The following NRCAM variants were observed in gnomAD, a reference collection of about 807,000 sequenced individuals.
NRCAM encodes the protein neuronal cell adhesion molecule, also known as NgCAM-related cell adhesion molecule.
In NRCAM, 83 loss-of-function variants were observed where a neutral mutation model predicts 156.5. The ratio of observed to expected loss-of-function variants is 0.53; its 90% CI spans 0.44 to 0.64. The LOEUF is 0.64. Among genes scored for constraint, NRCAM ranks in the 30% least tolerant of loss-of-function variants. NRCAM has a pLI of 0.00. For synonymous variants in NRCAM, 538 were observed against 563.9 expected (o/e 0.95, Z 0.65); for missense variants, 1,417 against 1,597.3 (o/e 0.89, Z 1.92).
At chr7:108,181,387 G>A (rs2063387702) in intron 24 of NRCAM, among the ~76,000 whole-genome samples, 1 of 152,010 alleles carries the variant, frequency 6.6e-6, no homozygotes, top group African/African-American at 2.4e-5. Flanking sequence ...ATATTTATAA[G>A]AATGACCTAG....
intron 1 of NRCAM, among the ~76,000 whole-genome samples, chr7:108,402,666 C>T (rs957238634): frequency 1.3e-5 from 2 of 152,130 alleles, no homozygotes; most frequent in Non-Finnish European, 2.9e-5. Flanking sequence ...CAATTCTGGC[C>T]ATTGGAGCCA....
At chr7:108,240,636 T>A (rs1039043003) in intron 3 of NRCAM, among the ~76,000 whole-genome samples, 1 of 152,222 alleles carries the variant, frequency 6.6e-6, no homozygotes, top group African/African-American at 2.4e-5. Context: ...GAGCACTGAC[T>A]ATTCAGGTCT....
intron 3 of NRCAM, among the ~76,000 whole-genome samples, chr7:108,250,888 A>G (rs2096302895): frequency 6.6e-6 from 1 of 152,198 alleles, no homozygotes; most frequent in African/African-American, 2.4e-5. Flanking sequence ...TACACCTACT[A>G]TGAACCCACA....
intron 29 of NRCAM, 148 bp downstream of exon 29, chr7:108,168,129 T>C (rs2055996273): frequency 3.8e-6 from 3 of 794,492 alleles, no homozygotes; most frequent in Non-Finnish European, 5.3e-6. Flanking sequence ...AGGCTGATGG[T>C]TCACTATAAT....
At chr7:108,349,024 C>T (rs1053053544) in intron 2 of NRCAM, among the ~76,000 whole-genome samples, 10 of 151,884 alleles carry the variant, frequency 6.6e-5, no homozygotes, top group African/African-American at 2.2e-4. Flanking sequence ...CTATGTGATG[C>T]GCTGTGTAAA....
At chr7:108,209,337 A>T in intron 12 of NRCAM, 84 bp downstream of exon 12, 1 of 914,646 alleles carries the variant, frequency 1.1e-6, no homozygotes, top group Non-Finnish European at 1.6e-6. Flanking sequence ...ATTTACCATT[A>T]CTAAAAATGT....
In NRCAM at chr7:108,434,929, A is replaced by C. The variant is rs1214971484; in HGVS notation, c.-332+21314T>G. Among the ~76,000 whole-genome samples, 3 of 152,232 alleles carry C rather than the reference A, an allele frequency of 2.0e-5. No individual in the cohort carries two copies. In the East Asian group the frequency reaches 5.8e-4, roughly 29 times the overall value. On this transcript the variant is annotated intron_variant, in intron 1 of 32. Transcript: ENST00000379028. ...CAAATTTCTCAGGGTAGAGAAAAGC[A>C]GAAACCACAGTTACCACTACATATC...
At chr7:108,252,504 A>C (rs2096408350) in intron 3 of NRCAM, among the ~76,000 whole-genome samples, 2 of 152,360 alleles carry the variant, frequency 1.3e-5, no homozygotes, top group South Asian at 4.1e-4. Flanking sequence ...AATGTATTCT[A>C]TTCTATTCAC....
chr7:108,422,074 A>T (rs1000235429), intron 1 of NRCAM, among the ~76,000 whole-genome samples: 6 of 152,160 alleles, frequency 3.9e-5, no homozygotes, highest in Non-Finnish European at 8.8e-5. Flanking sequence ...CATTTCATTG[A>T]TAACACCTCC....
intron 1 of NRCAM, among the ~76,000 whole-genome samples, chr7:108,421,609 T>C (rs1018788567): frequency 2.6e-5 from 4 of 152,184 alleles, no homozygotes; most frequent in African/African-American, 9.7e-5. Flanking sequence ...GAAAAAAAAG[T>C]ACAAAGTTAA....
intron 13 of NRCAM, among the ~76,000 whole-genome samples, chr7:108,202,246 C>A (rs572034351): frequency 1.3e-5 from 2 of 152,206 alleles, no homozygotes; most frequent in Non-Finnish European, 2.9e-5. Flanking sequence ...ACCCAACTCT[C>A]CTGATGTTGG....
At chr7:108,202,135 A>T (rs920395030) in intron 13 of NRCAM, among the ~76,000 whole-genome samples, 1 of 152,182 alleles carries the variant, frequency 6.6e-6, no homozygotes, top group African/African-American at 2.4e-5. Context: ...GTCAATAAAC[A>T]CTGGAGAAAG....
intron 2 of NRCAM, among the ~76,000 whole-genome samples, chr7:108,356,102 C>G (rs1035582804): frequency 6.6e-6 from 1 of 152,130 alleles, no homozygotes; most frequent in African/African-American, 2.4e-5. Context: ...GCATGTACCA[C>G]CACATCTGGC....
intron 11 of NRCAM, among the ~76,000 whole-genome samples, chr7:108,220,466 A>G (rs1212564205): frequency 6.6e-6 from 1 of 152,206 alleles, no homozygotes; most frequent in East Asian, 1.9e-4. Context: ...GGCCATGGTC[A>G]CCAAAACAGC....
chr7:108,387,819 T>C, intron 2 of NRCAM, among the ~76,000 whole-genome samples: 1 of 151,916 alleles, frequency 6.6e-6, no homozygotes, highest in Admixed American at 6.6e-5. Context: ...TTTGGTTTTC[T>C]GTCCTTGTGA....
intron 1 of NRCAM, among the ~76,000 whole-genome samples, chr7:108,404,100 T>C (rs953857643): frequency 6.6e-6 from 1 of 152,176 alleles, no homozygotes; most frequent in African/African-American, 2.4e-5. Context: ...ACTAATTGGA[T>C]ATGCCTGGTC....
intron 2 of NRCAM, among the ~76,000 whole-genome samples, chr7:108,356,108 C>G (rs2099494108): frequency 1.3e-5 from 2 of 152,152 alleles, no homozygotes; most frequent in South Asian, 4.1e-4. Flanking sequence ...ACCACCACAT[C>G]TGGCTAATTT....
chr7:108,259,194 A>C (rs890859094), intron 3 of NRCAM, among the ~76,000 whole-genome samples: 9 of 152,230 alleles, frequency 5.9e-5, no homozygotes, highest in Admixed American at 5.9e-4. Context: ...TTTTATAAGC[A>C]TACTCATCAC....
chr7:108,311,674 A>T (rs1040784803), intron 3 of NRCAM, among the ~76,000 whole-genome samples: 21 of 152,210 alleles, frequency 1.4e-4, no homozygotes, highest in African/African-American at 4.8e-4. Context: ...AACTAGTCAT[A>T]TGAAGTCAGT....
Sources: gnomAD v4.1 joint callset for allele counts (sites outside exome capture counted in the v4.1 genomes callset) on GRCh38, gnomAD v4.1.1 for gene constraint, MANE v1.5 for transcripts, NCBI Gene and HGNC (gene_info 2026-07-23, HGNC 2026-07-21) for gene names.